The following PCDHA3 variants were observed in gnomAD, a reference collection of about 807,000 sequenced individuals.
The protein encoded by PCDHA3 is protocadherin alpha-3.
A neutral mutation model predicts 62.2 loss-of-function variants in PCDHA3; 41 were observed. The ratio of observed to expected loss-of-function variants is 0.66; its 90% CI spans 0.51 to 0.86. The LOEUF (loss-of-function observed/expected upper bound fraction) is 0.86. Among genes scored for constraint, PCDHA3 ranks in the 40% least tolerant of loss-of-function variants. The probability of loss-of-function intolerance (pLI) is 0.00; values close to 1 mark genes in which losing one functional copy is unlikely to be tolerated. For synonymous variants in PCDHA3, 640 were observed against 555.4 expected, an observed-to-expected ratio of 1.15 and a Z score of -2.14; for missense variants, 1,304 against 1,241.2, an observed-to-expected ratio of 1.05 and a Z score of -0.76.
At chr5:141,006,412 A>G (rs1423476125) in intron 3 of PCDHA3, among the ~76,000 whole-genome samples, 7 of 151,898 alleles carry the variant, frequency 4.6e-5, no homozygotes, top group African/African-American at 1.7e-4. Flanking sequence ...ACGCGGTTTC[A>G]CTGTGTTAGC....
chr5:140,843,417 A>G, intron 1 of PCDHA3: 1 of 1,595,970 alleles, frequency 6.3e-7, no homozygotes, highest in South Asian at 1.1e-5. Context: ...GTCAACGTGT[A>G]CCTGATCATC....
intron 3 of PCDHA3, chr5:140,989,054 A>G (rs1481333744): frequency 6.6e-6 from 1 of 152,214 alleles, no homozygotes; most frequent in African/African-American, 2.4e-5. Flanking sequence ...TGCCAGCTAC[A>G]TTGAGGCAAT....
intron 3 of PCDHA3, among the ~76,000 whole-genome samples, chr5:140,990,902 C>G (rs2097421729): frequency 6.6e-6 from 1 of 152,112 alleles, no homozygotes; most frequent in African/African-American, 2.4e-5. Flanking sequence ...GTTGCTGGGT[C>G]AAGTTTTATA....
At chr5:140,988,634 T>G (rs1405160822) in intron 3 of PCDHA3, among the ~76,000 whole-genome samples, 1 of 152,218 alleles carries the variant, frequency 6.6e-6, no homozygotes, top group Non-Finnish European at 1.5e-5. Flanking sequence ...GTCCTGGTTT[T>G]CTGAAATTAA....
At chr5:140,846,304 C>T (rs183413454) in intron 1 of PCDHA3, among the ~76,000 whole-genome samples, 1 of 148,754 alleles carries the variant, frequency 6.7e-6, no homozygotes, top group East Asian at 1.9e-4. Flanking sequence ...ATTAAGTAAA[C>T]CATTTATGTA....
intron 1 of PCDHA3, chr5:140,841,814 A>G: frequency 6.2e-7 from 1 of 1,613,908 alleles, no homozygotes; most frequent in Non-Finnish European, 8.5e-7. Context: ...TGTTGGAGCT[A>G]ACTCCGTGTT....
intron 1 of PCDHA3, chr5:140,808,876 A>G (rs782501208): frequency 2.5e-6 from 4 of 1,613,190 alleles, no homozygotes; most frequent in East Asian, 4.5e-5. Context: ...ACAACGCGCC[A>G]GCACTGCTAG....
At chr5:140,868,380 G>T (rs2050428157) in intron 1 of PCDHA3, 1 of 152,028 alleles carries the variant, frequency 6.6e-6, no homozygotes, top group South Asian at 2.1e-4. Context: ...AGTAAAGAAT[G>T]AGAACTATAG....
rs199529084 is a variant in PCDHA3, at chr5:140,856,259, G to C, written c.2394+52668G>C. The C allele has an allele frequency of 2.8e-5, 44 of 1,598,088 alleles. 4 individuals are homozygous for C. Among genetic ancestry groups the C allele is most frequent in the Non-Finnish European group, 3.5e-5 (41 of 1,167,866 alleles). Reference sequence around the variant, plus strand: ...GTTCCGGGTGGCGTCCAAAAGACACGGGGACCTTCTGGAGGTAAATCTGCA... The same window carrying C: ...GTTCCGGGTGGCGTCCAAAAGACACCGGGACCTTCTGGAGGTAAATCTGCA... On this transcript the variant is annotated intron_variant, in intron 1 of 3. Coordinates refer to ENST00000522353, the MANE Select transcript of PCDHA3 (RefSeq NM_018906.3).
chr5:140,809,545 G>T, intron 1 of PCDHA3: 1 of 1,613,146 alleles, frequency 6.2e-7, no homozygotes, highest in Non-Finnish European at 8.5e-7. Flanking sequence ...AAGATCAGCT[G>T]CAGACAACTG....
At chr5:140,870,925 T>A (rs1554164841) in intron 1 of PCDHA3, 1 of 1,613,916 alleles carries the variant, frequency 6.2e-7, no homozygotes, top group South Asian at 1.1e-5. Flanking sequence ...GTGGCTTTCA[T>A]ATGAATTGCA....
At chr5:140,881,594 A>G (rs1464236535) in intron 1 of PCDHA3, among the ~76,000 whole-genome samples, 7 of 152,244 alleles carry the variant, frequency 4.6e-5, no homozygotes, top group Admixed American at 6.5e-5. Context: ...AGGGAAATTT[A>G]TTAATATGAT....
At chr5:140,897,367 T>G (rs1554187348) in intron 1 of PCDHA3, among the ~76,000 whole-genome samples, 1 of 125,642 alleles carries the variant, frequency 8.0e-6, no homozygotes, top group South Asian at 2.5e-4. Flanking sequence ...CAGAGTGTGA[T>G]GTTCCCTTCC....
intron 1 of PCDHA3, chr5:140,863,570 G>A (rs912173891): frequency 1.9e-5 from 7 of 370,768 alleles, no homozygotes; most frequent in South Asian, 4.2e-5. Flanking sequence ...GAGAATATAA[G>A]TACTGTAATC....
intron 1 of PCDHA3, chr5:140,862,841 C>A (rs782790470): frequency 7.0e-5 from 40 of 573,022 alleles, no homozygotes; most frequent in South Asian, 4.5e-4. Flanking sequence ...GCGGGCATGC[C>A]GCCTCTGAGC....
chr5:140,841,974 G>A (rs1777620025), intron 1 of PCDHA3: 1 of 1,613,872 alleles, frequency 6.2e-7, no homozygotes, highest in South Asian at 1.1e-5. Context: ...ACAGATGGGG[G>A]CAAACCTGAG....
chr5:140,990,977 G>T (rs1554251868), intron 3 of PCDHA3, among the ~76,000 whole-genome samples: 1 of 152,156 alleles, frequency 6.6e-6, no homozygotes, highest in African/African-American at 2.4e-5. Context: ...CAAGAGAAAG[G>T]AAGACAATAG....
At chr5:140,931,323 T>A (rs912582961) in intron 1 of PCDHA3, among the ~76,000 whole-genome samples, 1 of 152,110 alleles carries the variant, frequency 6.6e-6, no homozygotes, top group Non-Finnish European at 1.5e-5. Context: ...CAGTAATGGC[T>A]GTAAAGTTTG....
chr5:140,847,915 T>C (rs1166954389), intron 1 of PCDHA3: 1 of 150,482 alleles, frequency 6.6e-6, no homozygotes, highest in Non-Finnish European at 1.5e-5. Flanking sequence ...TGGGCTCCTA[T>C]ATTCACTAGA....
Sources: gnomAD v4.1 joint callset for allele counts (sites outside exome capture counted in the v4.1 genomes callset) on GRCh38, gnomAD v4.1.1 for gene constraint, MANE v1.5 for transcripts, NCBI Gene and HGNC (gene_info 2026-07-23, HGNC 2026-07-21) for gene names.